GALNT13: variants seen among roughly 807,000 people sequenced by gnomAD.
GALNT13 encodes the protein UDP-GalNAc:polypeptide N-acetylgalactosaminyltransferase 13.
A neutral mutation model predicts 64.2 loss-of-function variants in GALNT13; 28 were observed. The observed-to-expected ratio is 0.44, with a 90% CI of 0.32 to 0.60. The LOEUF is 0.60. GALNT13 is among the 20% of genes least tolerant of loss of function. GALNT13 has a pLI of 0.05. For synonymous variants in GALNT13, 214 were observed against 224.6 expected (o/e 0.95, Z 0.42); for missense variants, 577 against 669.8 (o/e 0.86, Z 1.53).
At chr2:153,821,154 A>G in the GALNT13 span, among the ~76,000 whole-genome samples, 1 of 152,202 alleles carries the variant, frequency 6.6e-6, no homozygotes, top group Non-Finnish European at 1.5e-5. Flanking sequence ...GGGGAGCTTC[A>G]GCACCCTACT....
At chr2:153,602,734 A>C in the GALNT13 span, among the ~76,000 whole-genome samples, 1 of 151,834 alleles carries the variant, frequency 6.6e-6, no homozygotes, top group South Asian at 2.1e-4. Context: ...GAGCAAAAGA[A>C]GGAGGTATTG....
the GALNT13 span, among the ~76,000 whole-genome samples, chr2:153,573,546 T>C: frequency 4.0e-5 from 6 of 151,666 alleles, no homozygotes; most frequent in Non-Finnish European, 8.9e-5. Flanking sequence ...TTAATGGAGA[T>C]AATTTTCTCT....
chr2:153,435,454 C>T, the GALNT13 span, among the ~76,000 whole-genome samples: 5 of 151,896 alleles, frequency 3.3e-5, no homozygotes, highest in African/African-American at 9.7e-5. Context: ...ATTCTTCCTA[C>T]CCATGAGCAT....
the GALNT13 span, among the ~76,000 whole-genome samples, chr2:153,320,640 A>G: frequency 6.6e-6 from 1 of 152,192 alleles, no homozygotes; most frequent in East Asian, 1.9e-4. Flanking sequence ...TGGAATTGTA[A>G]TATCTCTGTA....
intron 8 of GALNT13, chr2:154,286,764 G>A: frequency 3.1e-6 from 1 of 323,690 alleles, no homozygotes; most frequent in South Asian, 2.8e-5. Context: ...ACTTTCTCAT[G>A]CCATGGGTAC....
chr2:153,484,944 G>C, the GALNT13 span, among the ~76,000 whole-genome samples: 1 of 152,232 alleles, frequency 6.6e-6, no homozygotes, highest in South Asian at 2.1e-4. Context: ...CAGTTTGAGG[G>C]GATTCCTATA....
At chr2:153,991,822 G>A (rs539862540) in intron 3 of GALNT13, among the ~76,000 whole-genome samples, 1 of 152,116 alleles carries the variant, frequency 6.6e-6, no homozygotes, top group Non-Finnish European at 1.5e-5. Flanking sequence ...ACTTAAAAGG[G>A]GGAAATAATA....
At chr2:153,308,794 A>C in the GALNT13 span, among the ~76,000 whole-genome samples, 1 of 152,180 alleles carries the variant, frequency 6.6e-6, no homozygotes, top group African/African-American at 2.4e-5. Flanking sequence ...ATATTATGAC[A>C]GAGGATTAAA....
At chr2:153,100,144 A>G in the GALNT13 span, among the ~76,000 whole-genome samples, 1 of 152,222 alleles carries the variant, frequency 6.6e-6, no homozygotes, top group Non-Finnish European at 1.5e-5. Flanking sequence ...TATGGCTTCA[A>G]ATCAATGTCC....
the GALNT13 span, among the ~76,000 whole-genome samples, chr2:153,545,802 C>A: frequency 4.6e-5 from 7 of 152,140 alleles, no homozygotes; most frequent in African/African-American, 1.7e-4. Flanking sequence ...TCTTACCCAC[C>A]CCCAATCCAG....
At chr2:153,382,515 T>C in the GALNT13 span, among the ~76,000 whole-genome samples, 60 of 152,304 alleles carry the variant, frequency 3.9e-4, 1 homozygote, top group South Asian at 3.9e-3. Context: ...CATTCTTTTT[T>C]ATGGCTGTGT....
At chr2:153,806,834 T>A in the GALNT13 span, among the ~76,000 whole-genome samples, 3 of 152,042 alleles carry the variant, frequency 2.0e-5, no homozygotes, top group Non-Finnish European at 4.4e-5. Context: ...AACCTGTAGA[T>A]GAAAGGAACT....
the GALNT13 span, among the ~76,000 whole-genome samples, chr2:153,702,590 A>G: frequency 6.6e-6 from 1 of 152,138 alleles, no homozygotes; most frequent in Non-Finnish European, 1.5e-5. Flanking sequence ...AGATCGATTG[A>G]TGGACTGGAT....
chr2:153,631,496 C>T, the GALNT13 span, among the ~76,000 whole-genome samples: 17 of 152,078 alleles, frequency 1.1e-4, no homozygotes, highest in East Asian at 1.2e-3. Flanking sequence ...TTTTAATGAT[C>T]GCCGTTCTAA....
At chr2:154,333,879 T>A (rs910709163) in intron 9 of GALNT13, among the ~76,000 whole-genome samples, 2 of 152,068 alleles carry the variant, frequency 1.3e-5, no homozygotes, top group African/African-American at 4.8e-5. Flanking sequence ...TAGGCTTTTG[T>A]TTTTAACAAA....
the GALNT13 span, among the ~76,000 whole-genome samples, chr2:153,388,051 A>G: frequency 6.8e-6 from 1 of 146,944 alleles, no homozygotes; most frequent in Non-Finnish European, 1.5e-5. Flanking sequence ...AGGGGAGCGG[A>G]AGGGGAGGGG....
Position 154,150,322 on chromosome 2 carries a change from C to T in GALNT13, c.311+9817C>T, listed in dbSNP as rs370809254. On this transcript the variant is annotated intron_variant, in intron 4 of 12. Transcript: ENST00000392825. ...AAGCTTTTTGATGTGCTGCTGGATTCGGTTTGCCAGTATTTTATTGAGGAT... is the reference window on the plus strand; with the variant it reads ...AAGCTTTTTGATGTGCTGCTGGATTTGGTTTGCCAGTATTTTATTGAGGAT... Among the ~76,000 whole-genome samples the T allele has an allele frequency of 2.7e-3, 410 of 151,852 alleles. 3 individuals carry two copies. The highest frequency in any genetic ancestry group is 9.2e-3 in the African/African-American group (380 of 41,394).
chr2:153,114,373 T>TA, the GALNT13 span, among the ~76,000 whole-genome samples: 1 of 152,144 alleles, frequency 6.6e-6, no homozygotes, highest in Non-Finnish European at 1.5e-5. Context: ...ACTGTGGCTA[T>TA]ATGCTTTCGC....
At chr2:153,714,448 C>T in the GALNT13 span, among the ~76,000 whole-genome samples, 2 of 152,156 alleles carry the variant, frequency 1.3e-5, no homozygotes, top group African/African-American at 4.8e-5. Context: ...TTCAAAAATG[C>T]TCCCCACATT....
Sources: allele counts gnomAD v4.1 joint callset (sites outside exome capture counted in the v4.1 genomes callset), GRCh38; gene constraint gnomAD v4.1.1; transcripts MANE v1.5; gene names NCBI Gene and HGNC (gene_info 2026-07-23, HGNC 2026-07-21).